ADAMTS9: variants seen among roughly 807,000 people sequenced by gnomAD.
ADAMTS9 encodes A disintegrin and metalloproteinase with thrombospondin motifs 9.
In ADAMTS9, 107 loss-of-function variants were observed where a neutral mutation model predicts 257.1. The observed-to-expected ratio is 0.42, with a 90% CI of 0.36 to 0.49. The LOEUF (loss-of-function observed/expected upper bound fraction) is 0.49, where lower values mean the gene tolerates loss of function less well. Ranked by LOEUF, ADAMTS9 falls within the 20% of genes least tolerant of loss-of-function variation. The pLI is 0.03. For missense variants in ADAMTS9, 2,353 were observed against 2,469.1 expected (o/e 0.95, Z 1.00); for synonymous variants, 982 against 880.9 (o/e 1.11, Z -2.03).
chr3:64,631,915 C>T lies in ADAMTS9; in HGVS notation c.2186G>A (p.Cys729Tyr), dbSNP rs1392071448. Residue 729 changes from cysteine to tyrosine, a missense_variant, in exon 15 of 40, where the codon TGC (cysteine) becomes TAC (tyrosine). Cys to Tyr is a radical substitution (Grantham distance 194, BLOSUM62 -2). Around this residue, in one of 3 missense-constraint regions of ADAMTS9, gnomAD observed 360 missense variants for 458.1 expected, o/e 0.79. Coordinates refer to ENST00000498707, the MANE Select transcript of ADAMTS9 (RefSeq NM_182920.2). ...CVQGLCRQAG[C>Y]DHVLNSKARR... ...GGCTTTTGAGTTTAAAACATGATCGCATCCAGCTTGCTTTTAAAAAGAAAA... is the reference window on the plus strand; with the variant it reads ...GGCTTTTGAGTTTAAAACATGATCGTATCCAGCTTGCTTTTAAAAAGAAAA... 1.2e-6 allele frequency: 2 copies of T among 1,612,606 alleles called. No individual in the cohort carries two copies. The highest frequency in any genetic ancestry group is 8.5e-7 in the Non-Finnish European group (1 of 1,179,218).
chr3:64,619,563 T>C (rs934914117), intron 19 of ADAMTS9, among the ~76,000 whole-genome samples: 2 of 152,100 alleles, frequency 1.3e-5, no homozygotes, highest in African/African-American at 4.8e-5. Context: ...ATATAAATCA[T>C]AATGTTGTTT....
Position 64,648,015 on chromosome 3 carries a change from G to A in ADAMTS9, c.1635C>T (p.Asn545=), listed in dbSNP as rs142303242. 1.2e-3 allele frequency: 1,967 copies of A among 1,613,178 alleles called. No individual in the cohort carries two copies. The highest frequency in any genetic ancestry group is 1.5e-3 in the Non-Finnish European group (1,760 of 1,179,920). The change falls in exon 11 of 40, where the codon AAC becomes AAT. Residue 545 remains asparagine (N), a synonymous_variant. Transcript: ENST00000498707. Reference sequence around the variant, plus strand: ...GGCAGCCTTTGTGTACTCCATTGACGTTATTGCACCAGAGCCGTCTGCACT... The same window carrying A: ...GGCAGCCTTTGTGTACTCCATTGACATTATTGCACCAGAGCCGTCTGCACT... ...MMQCRRLWCN[N]VNGVHKGCRT...
At chr3:64,532,826 C>A (rs986310577) in intron 38 of ADAMTS9, among the ~76,000 whole-genome samples, 1 of 152,078 alleles carries the variant, frequency 6.6e-6, no homozygotes, top group Non-Finnish European at 1.5e-5. Flanking sequence ...TAGAACGAAC[C>A]GCAAGCTGGC....
chr3:64,588,876 C>T (rs1230890706), intron 28 of ADAMTS9: 1 of 152,132 alleles, frequency 6.6e-6, no homozygotes, highest in Non-Finnish European at 1.5e-5. Context: ...GTTCTGAACA[C>T]ATTAGAGATG....
intron 26 of ADAMTS9, among the ~76,000 whole-genome samples, chr3:64,597,253 C>T (rs573822443): frequency 3.9e-5 from 6 of 152,260 alleles, no homozygotes; most frequent in African/African-American, 1.4e-4. Context: ...CCATAAATGC[C>T]TAATGTGACT....
chr3:64,596,380 T>C (rs1328378518), intron 27 of ADAMTS9, among the ~76,000 whole-genome samples: 3 of 152,160 alleles, frequency 2.0e-5, no homozygotes, highest in Non-Finnish European at 4.4e-5. Flanking sequence ...AAATACATCA[T>C]CTTTCATAGG....
At chr3:64,659,041 G>A (rs1701158718) in intron 3 of ADAMTS9, among the ~76,000 whole-genome samples, 1 of 152,126 alleles carries the variant, frequency 6.6e-6, no homozygotes, top group Non-Finnish European at 1.5e-5. Context: ...CGAGCTTAAG[G>A]GAAACAATTG....
At position 64,604,108 on chromosome 3, in the gene ADAMTS9, T is replaced by C. The variant is rs752759887; in HGVS notation, c.3580-19A>G. The stretch of plus-strand genomic sequence containing the variant: ...CTGAGCACTGGGTGTTGGAGTAAAA[T>C]CATGCAGTTATATTACGTGGAATGG... On this transcript the variant is annotated intron_variant, in intron 24 of 39. Transcript: ENST00000498707. The C allele has an allele frequency of 2.5e-6, 4 of 1,613,562 alleles. No individual in the cohort carries two copies. In the East Asian group the frequency reaches 8.9e-5, roughly 36 times the overall value.
intron 37 of ADAMTS9, among the ~76,000 whole-genome samples, chr3:64,538,478 TA>T (rs202039114): frequency 0.012 from 1,645 of 142,120 alleles, 48 homozygotes; most frequent in East Asian, 0.08. Flanking sequence ...AACATTAAAT[TA>T]AAAAAAAAAA....
chr3:64,672,316 AG>A (rs1701511021), intron 3 of ADAMTS9, among the ~76,000 whole-genome samples: 1 of 152,226 alleles, frequency 6.6e-6, no homozygotes, highest in Non-Finnish European at 1.5e-5. Flanking sequence ...AAACAGGGAA[AG>A]GTCCTGAGAT....
At chr3:64,646,970 T>A (rs1024688137) in intron 11 of ADAMTS9, among the ~76,000 whole-genome samples, 1 of 152,114 alleles carries the variant, frequency 6.6e-6, no homozygotes, top group African/African-American at 2.4e-5. Context: ...AGTTCCATCA[T>A]CTCTTAGGAC....
At chr3:64,618,775 A>G (rs1270520533) in intron 19 of ADAMTS9, among the ~76,000 whole-genome samples, 2 of 152,154 alleles carry the variant, frequency 1.3e-5, no homozygotes, top group East Asian at 1.9e-4. Context: ...TTTAAGCATC[A>G]TGTAACTCCA....
chr3:64,555,318 T>G (rs2083319461), intron 30 of ADAMTS9, among the ~76,000 whole-genome samples: 2 of 152,098 alleles, frequency 1.3e-5, no homozygotes, highest in South Asian at 4.1e-4. Flanking sequence ...TGTTAGGAGG[T>G]GCGGTGGGGA....
chr3:64,617,518 C>A (rs916029318), intron 19 of ADAMTS9, among the ~76,000 whole-genome samples: 2 of 151,880 alleles, frequency 1.3e-5, no homozygotes, highest in Non-Finnish European at 2.9e-5. Flanking sequence ...TGGTGGTCTT[C>A]AATGTTTCGT....
intron 12 of ADAMTS9, among the ~76,000 whole-genome samples, chr3:64,640,483 T>C (rs1005784140): frequency 2.0e-5 from 3 of 152,224 alleles, no homozygotes; most frequent in Non-Finnish European, 4.4e-5. Context: ...GTTCCTTTAC[T>C]TCACCTGTTT....
chr3:64,555,755 G>C (rs1254599069), intron 30 of ADAMTS9, among the ~76,000 whole-genome samples: 1 of 152,318 alleles, frequency 6.6e-6, no homozygotes, highest in East Asian at 1.9e-4. Context: ...AGGAGGGGAA[G>C]AGGACATTCT....
chr3:64,533,288 C>T lies in ADAMTS9; in HGVS notation c.5614-18G>A, dbSNP rs762379559. On this transcript the variant is annotated intron_variant, in intron 37 of 39. Transcript: ENST00000498707. Reference sequence around the variant, plus strand: ...AAACGACCCTGGAAAACACGACCAACAAAAGAGATTTTCAGTCCATGTGAT... The same window carrying T: ...AAACGACCCTGGAAAACACGACCAATAAAAGAGATTTTCAGTCCATGTGAT... The T allele has an allele frequency of 1.1e-5, 17 of 1,604,886 alleles. No individual in the cohort carries two copies. The highest frequency in any genetic ancestry group is 5.0e-5 in the Admixed American group (3 of 59,906).
intron 28 of ADAMTS9, among the ~76,000 whole-genome samples, chr3:64,581,196 A>G (rs2083989394): frequency 6.6e-6 from 1 of 152,150 alleles, no homozygotes. Flanking sequence ...CATTTGGCCA[A>G]TTGCAAATGG....
Position 64,533,211 on chromosome 3 carries a change from C to G in ADAMTS9, c.5673G>C (p.Trp1891Cys). Residue 1891 changes from tryptophan (W) to cysteine (C), a missense_variant, in exon 38 of 40, where the codon TGG becomes TGC. Transcript: ENST00000498707. ...AGACAGCATAATTCCCTTGTGATAT[C>G]CATCTGGCAGATTCAGTTAAAGACA... Reference protein sequence around the residue: ...TGLSLTESARWISQGNYAVSD... With the variant: ...TGLSLTESARCISQGNYAVSD... 1 of 1,614,146 alleles carries G rather than the reference C, an allele frequency of 6.2e-7. No individual in the cohort carries two copies. The highest frequency in any genetic ancestry group is 8.5e-7 in the Non-Finnish European group (1 of 1,179,996).
Sources: allele counts gnomAD v4.1 joint callset (sites outside exome capture counted in the v4.1 genomes callset), GRCh38; gene constraint gnomAD v4.1.1; regional missense constraint gnomAD v4.1.1; transcripts MANE v1.5; gene names NCBI Gene and HGNC (gene_info 2026-07-23, HGNC 2026-07-21).